The following ETV6 variants were observed in gnomAD, a reference collection of about 807,000 sequenced individuals.
ETV6 encodes the protein ETS variant transcription factor 6.
Under a neutral mutation model 51.1 loss-of-function variants are expected in ETV6, and 16 were observed. That is an observed-to-expected ratio of 0.31 (90% CI 0.21 to 0.48). ETV6 has a LOEUF of 0.48. Among genes scored for constraint, ETV6 ranks in the 20% least tolerant of loss-of-function variants. The pLI is 0.99. For missense variants in ETV6, 458 were observed against 594.8 expected, an observed-to-expected ratio of 0.77 and a Z score of 2.39; for synonymous variants, 240 against 224.1, an observed-to-expected ratio of 1.07 and a Z score of -0.64.
intron 2 of ETV6, among the ~76,000 whole-genome samples, chr12:11,782,966 G>T (rs1257827047): frequency 6.6e-6 from 1 of 152,172 alleles, no homozygotes; most frequent in Non-Finnish European, 1.5e-5. Context: ...TTAAATAGGG[G>T]AGAGAAGGGA....
intron 1 of ETV6, among the ~76,000 whole-genome samples, chr12:11,698,831 A>C (rs1864926032): frequency 6.6e-6 from 1 of 152,236 alleles, no homozygotes; most frequent in African/African-American, 2.4e-5. Context: ...GCTTCATGTC[A>C]GTACATTCTT....
In ETV6 at chr12:11,869,536, T is replaced by C. The variant is rs779496558; in HGVS notation, c.576T>C (p.Pro192=). The change falls in exon 5 of 8, where the codon CCT becomes CCC. Residue 192 remains proline, a synonymous_variant. Transcript: ENST00000396373. The surrounding 1 kb of genome is among the most constrained non-coding windows in gnomAD (Gnocchi z 5.0). The part of the protein sequence containing the change: ...SRSPITTNHR[P]SPDPEQRPLR... ...CACCTATCACGACAAATCACCGGCC[T>C]TCTCCTGACCCCGAGCAGCGGCCCC... 7.4e-6 allele frequency: 12 copies of C among 1,614,122 alleles called. No homozygotes were observed. The South Asian group carries it at 1.2e-4, about 16-fold the overall frequency.
chr12:11,802,968 A>G (rs1462966294), intron 2 of ETV6, among the ~76,000 whole-genome samples: 1 of 152,248 alleles, frequency 6.6e-6, no homozygotes, highest in Non-Finnish European at 1.5e-5. Flanking sequence ...AATCTATTTC[A>G]TATAGGTAGA....
chr12:11,850,502 C>T (rs1460527150), intron 3 of ETV6, among the ~76,000 whole-genome samples: 1 of 152,182 alleles, frequency 6.6e-6, no homozygotes, highest in Non-Finnish European at 1.5e-5. Flanking sequence ...ACACCTGTCC[C>T]AAGCCACTAT....
At chr12:11,789,355 G>A (rs1945545491) in intron 2 of ETV6, among the ~76,000 whole-genome samples, 5 of 152,052 alleles carry the variant, frequency 3.3e-5, no homozygotes, top group Admixed American at 3.3e-4. Context: ...CTTCTTACTT[G>A]GTTTTTTATC....
At chr12:11,853,048 G>T (rs555189795) in intron 3 of ETV6, among the ~76,000 whole-genome samples, 16 of 152,274 alleles carry the variant, frequency 1.1e-4, no homozygotes, top group African/African-American at 3.1e-4. Flanking sequence ...TCAGCTGGGT[G>T]TGTTGGTTCG....
intron 1 of ETV6, among the ~76,000 whole-genome samples, chr12:11,659,188 G>C (rs1227125351): frequency 6.6e-6 from 1 of 152,206 alleles, no homozygotes; most frequent in Non-Finnish European, 1.5e-5. Flanking sequence ...TTGGGGCATG[G>C]GGAAACCTTC....
At chr12:11,707,054 G>C (rs932508750) in intron 1 of ETV6, among the ~76,000 whole-genome samples, 6 of 152,230 alleles carry the variant, frequency 3.9e-5, no homozygotes, top group African/African-American at 1.4e-4. Context: ...GGCTGACTCT[G>C]AAGAAGGAAT....
chr12:11,831,223 G>C (rs1385785108), intron 2 of ETV6, among the ~76,000 whole-genome samples: 1 of 152,134 alleles, frequency 6.6e-6, no homozygotes, highest in Non-Finnish European at 1.5e-5. Context: ...GTGTGTGTCT[G>C]TGTGTGTGTT....
chr12:11,685,320 C>G (rs1461251208), intron 1 of ETV6, among the ~76,000 whole-genome samples: 1 of 124,308 alleles, frequency 8.0e-6, no homozygotes, highest in Non-Finnish European at 1.7e-5. Flanking sequence ...ATGAACATTT[C>G]AGAAAAAAAA....
intron 2 of ETV6, among the ~76,000 whole-genome samples, chr12:11,823,732 C>T (rs1324561096): frequency 3.9e-5 from 6 of 152,202 alleles, no homozygotes; most frequent in African/African-American, 9.6e-5. Flanking sequence ...TCCCAAAATG[C>T]GGGATTACAG....
chr12:11,752,343 A>C lies in ETV6; in HGVS notation c.34-107A>C, dbSNP rs1866046723. On this transcript the variant is annotated intron_variant, in intron 1 of 7. Coordinates refer to ENST00000396373, the MANE Select transcript of ETV6 (RefSeq NM_001987.5). ...ATTGCTTGGGAAGCTGGTACTGCCC[A>C]TGCCCCGCCTCCCTTTTGCTCCCCA... is the stretch of plus-strand genomic sequence containing the variant. 6 of 1,209,144 alleles carry C rather than the reference A, an allele frequency of 5.0e-6. No homozygotes were observed. The South Asian group carries it at 8.2e-5, about 17-fold the overall frequency. The allele number at this position is 1,209,144 out of a possible 1,614,324, so 74.9% of individuals were successfully genotyped here. A position where few individuals can be genotyped will look rare whatever the true frequency, so the allele number is the denominator to read the frequency against.
chr12:11,726,974 C>G (rs538495343), intron 1 of ETV6, among the ~76,000 whole-genome samples: 4 of 152,260 alleles, frequency 2.6e-5, no homozygotes, highest in African/African-American at 9.6e-5. Flanking sequence ...GCTTTGGGAC[C>G]AAGTTACTTG....
intron 1 of ETV6, among the ~76,000 whole-genome samples, chr12:11,741,270 A>G (rs1865803824): frequency 6.6e-6 from 1 of 152,206 alleles, no homozygotes; most frequent in African/African-American, 2.4e-5. Flanking sequence ...CTTGACAGCC[A>G]TCATGTGGGA....
chr12:11,888,562 C>A (rs763665050), intron 7 of ETV6, among the ~76,000 whole-genome samples: 51 of 152,068 alleles, frequency 3.4e-4, no homozygotes, highest in Non-Finnish European at 6.6e-4. Context: ...GCCACCACAC[C>A]TGACTAATTT....
chr12:11,728,765 A>G (rs780867395), intron 1 of ETV6, among the ~76,000 whole-genome samples: 1 of 152,214 alleles, frequency 6.6e-6, no homozygotes, highest in Non-Finnish European at 1.5e-5. Context: ...TGGATCATAG[A>G]CATCTATAAT....
intron 7 of ETV6, among the ~76,000 whole-genome samples, chr12:11,887,899 T>C (rs981058234): frequency 3.3e-5 from 5 of 152,196 alleles, no homozygotes; most frequent in Non-Finnish European, 5.9e-5. Context: ...AGATGGACCA[T>C]TGGCTCTTCA....
intron 2 of ETV6, 82 bp from the exon 3 acceptor site, chr12:11,839,058 C>T (rs893512377): frequency 2.1e-6 from 3 of 1,426,326 alleles, no homozygotes; most frequent in South Asian, 1.3e-5. Flanking sequence ...GTTAACTATT[C>T]AGAGACCTTC....
At chr12:11,871,866 T>G (rs1358790053) in intron 5 of ETV6, among the ~76,000 whole-genome samples, 1 of 151,726 alleles carries the variant, frequency 6.6e-6, no homozygotes, top group East Asian at 1.9e-4. Context: ...AATGAAAAAA[T>G]AAAACTGGGG....
Sources: gnomAD v4.1 joint callset for allele counts (sites outside exome capture counted in the v4.1 genomes callset) on GRCh38, gnomAD v4.1.1 for gene constraint, Gnocchi (gnomAD v3.1) non-coding constraint, MANE v1.5 for transcripts, NCBI Gene and HGNC (gene_info 2026-07-23, HGNC 2026-07-21) for gene names.